PSTPIP2: variants seen among roughly 807,000 people sequenced by gnomAD.
PSTPIP2 encodes proline-serine-threonine phosphatase-interacting protein 2.
Under a neutral mutation model 63.3 loss-of-function variants are expected in PSTPIP2, and 33 were observed. The observed-to-expected ratio is 0.52, with a 90% confidence interval of 0.40 to 0.70. The LOEUF (loss-of-function observed/expected upper bound fraction) is 0.70, where lower values mean the gene tolerates loss of function less well. PSTPIP2 is among the 30% of genes least tolerant of loss of function. The pLI is 0.00. For synonymous variants in PSTPIP2, 125 were observed against 132.7 expected (o/e 0.94, Z 0.40); for missense variants, 312 against 400.7 (o/e 0.78, Z 1.89).
At chr18:46,028,738 C>T in intron 2 of PSTPIP2, 1 of 950,648 alleles carries the variant, frequency 1.1e-6, no homozygotes, top group Non-Finnish European at 1.7e-6. Flanking sequence ...GAAAGACAAA[C>T]TTAAGAAGCG....
intron 13 of PSTPIP2, 126 bp from the exon 14 acceptor site, chr18:45,988,885 A>G: frequency 1.3e-6 from 1 of 742,088 alleles, no homozygotes; most frequent in South Asian, 1.7e-5. Context: ...GAGAAAATAG[A>G]TCTGCCAACA....
chr18:46,003,661 T>A (rs1346022237), intron 6 of PSTPIP2, among the ~76,000 whole-genome samples: 7 of 151,922 alleles, frequency 4.6e-5, no homozygotes, highest in Non-Finnish European at 1.0e-4. Context: ...CTGTGATAAA[T>A]GAGGCAAAAA....
At chr18:46,035,433 GA>G (rs1225375515) in intron 2 of PSTPIP2, among the ~76,000 whole-genome samples, 32 of 17,246 alleles carry the variant, frequency 1.9e-3, no homozygotes, top group Non-Finnish European at 5.6e-3. Flanking sequence ...AAAAAAAAAA[GA>G]AAAGAGAGAG....
intron 3 of PSTPIP2, among the ~76,000 whole-genome samples, chr18:46,016,700 G>A (rs980087630): frequency 6.6e-6 from 1 of 152,174 alleles, no homozygotes; most frequent in Non-Finnish European, 1.5e-5. Context: ...GTCTGAATAT[G>A]GTTTAGCTGG....
At chr18:46,062,965 C>T (rs1412906430) in intron 1 of PSTPIP2, among the ~76,000 whole-genome samples, 6 of 152,160 alleles carry the variant, frequency 3.9e-5, no homozygotes, top group Non-Finnish European at 7.4e-5. Context: ...AGGTCTCTGA[C>T]TTCTGCAAAT....
intron 3 of PSTPIP2, among the ~76,000 whole-genome samples, chr18:46,019,072 A>G (rs2051883701): frequency 1.3e-5 from 2 of 151,538 alleles, no homozygotes; most frequent in South Asian, 4.2e-4. Flanking sequence ...CCTTAAGCGA[A>G]CTCCCTCGGA....
chr18:45,993,892 T>C (rs1019731955), intron 9 of PSTPIP2, 189 bp from the exon 10 acceptor site: 1 of 580,482 alleles, frequency 1.7e-6, no homozygotes, highest in East Asian at 3.0e-5. Flanking sequence ...CAAATCCTAA[T>C]ATCACAGTAA....
At position 45,991,271 on chromosome 18, in the gene PSTPIP2, G is replaced by A. The variant is rs555632200; in HGVS notation, c.921-515C>T. ...GACTGCAAGCTGACTATGTCAAACA[G>A]AAGTTTCTCTTTCCGCAGGATCCTT... On this transcript the variant is annotated intron_variant, in intron 12 of 14. Coordinates refer to ENST00000409746, the MANE Select transcript of PSTPIP2 (RefSeq NM_024430.4). Among the ~76,000 whole-genome samples, 13 of 152,290 alleles carry A rather than the reference G, an allele frequency of 8.5e-5. 1 individual carries two copies. The South Asian group carries it at 2.1e-3, about 24-fold the overall frequency.
chr18:45,987,389 C>T (rs987106418), intron 14 of PSTPIP2, among the ~76,000 whole-genome samples: 1 of 152,110 alleles, frequency 6.6e-6, no homozygotes, highest in Non-Finnish European at 1.5e-5. Context: ...TTGCCTTTCT[C>T]TGTTGACTTC....
chr18:45,993,914 T>C, intron 9 of PSTPIP2: 1 of 535,444 alleles, frequency 1.9e-6, no homozygotes. Context: ...ACAAACAGGC[T>C]TGGAAATAGT....
Position 45,985,464 on chromosome 18 carries a change from A to G in PSTPIP2, c.*9-14T>C. 6.2e-7 allele frequency: 1 copy of G among 1,612,844 alleles called. No homozygotes were observed. The highest frequency in any genetic ancestry group is 8.5e-7 in the Non-Finnish European group (1 of 1,179,388). On this transcript the variant is annotated splice_polypyrimidine_tract_variant and intron_variant, in intron 14 of 14. Coordinates refer to ENST00000409746, the MANE Select transcript of PSTPIP2 (RefSeq NM_024430.4). ...AAGCTCTGGTTTCTGAAAGAAAATA[A>G]CAAAGAAATTTCCTCTGAATGAAAG...
At position 45,998,787 on chromosome 18, in the gene PSTPIP2, C is replaced by G; in HGVS notation, c.562+7G>C. The G allele has an allele frequency of 6.2e-7, 1 of 1,613,684 alleles. No individual in the cohort carries two copies. Among genetic ancestry groups the G allele is most frequent in the African/African-American group, 1.3e-5 (1 of 74,964 alleles). Reference sequence around the variant, plus strand: ...CCCTCCCCCATCCGTAGGAACTGCCCCCTCACCTGAGTCCTCTACTGCGGT... The same window carrying G: ...CCCTCCCCCATCCGTAGGAACTGCCGCCTCACCTGAGTCCTCTACTGCGGT... On this transcript the variant is annotated splice_region_variant and intron_variant, in intron 8 of 14. Transcript: ENST00000409746.
At chr18:46,011,069 C>T (rs561737234) in intron 5 of PSTPIP2, 112 bp downstream of exon 5, 10 of 880,472 alleles carry the variant, frequency 1.1e-5, no homozygotes, top group African/African-American at 1.7e-5. Flanking sequence ...AGTAATTTCT[C>T]AGGTCATGAT....
chr18:46,044,220 G>C (rs1908296868), intron 1 of PSTPIP2, among the ~76,000 whole-genome samples: 1 of 152,132 alleles, frequency 6.6e-6, no homozygotes, highest in African/African-American at 2.4e-5. Context: ...TAAGCCAAAA[G>C]AACAAAGCTG....
chr18:46,056,482 G>T lies in PSTPIP2; in HGVS notation c.33+15674C>A, dbSNP rs531507707. ...TAATCCTAGTGCTTTGGGAGGCCAA[G>T]GTGGGAGGATCGCTTGGGCCAGGAG... On this transcript the variant is annotated intron_variant, in intron 1 of 14. Transcript: ENST00000409746. Among the ~76,000 whole-genome samples, 3 of 152,348 alleles carry T rather than the reference G, an allele frequency of 2.0e-5. No individual in the cohort carries two copies. In the South Asian group the frequency reaches 6.2e-4, roughly 32 times the overall value.
chr18:46,026,717 T>A (rs1568221290), intron 2 of PSTPIP2, among the ~76,000 whole-genome samples: 1 of 151,784 alleles, frequency 6.6e-6, no homozygotes, highest in Non-Finnish European at 1.5e-5. Flanking sequence ...CTCTACAAAA[T>A]TAAATAAATA....
intron 1 of PSTPIP2, among the ~76,000 whole-genome samples, chr18:46,045,462 G>C (rs1248976149): frequency 6.6e-6 from 1 of 151,978 alleles, no homozygotes; most frequent in Non-Finnish European, 1.5e-5. Context: ...ATTGAACAAT[G>C]AGAACACATG....
At chr18:46,055,388 G>A (rs1297759254) in intron 1 of PSTPIP2, among the ~76,000 whole-genome samples, 2 of 152,224 alleles carry the variant, frequency 1.3e-5, no homozygotes, top group African/African-American at 4.8e-5. Flanking sequence ...CTGGAGTGCA[G>A]TGATGTCATC....
At chr18:46,013,403 T>C (rs901421959) in intron 4 of PSTPIP2, among the ~76,000 whole-genome samples, 6 of 152,192 alleles carry the variant, frequency 3.9e-5, no homozygotes, top group African/African-American at 1.2e-4. Flanking sequence ...TACTATGCTG[T>C]GTTAAAATCC....
Sources: allele counts gnomAD v4.1 joint callset (sites outside exome capture counted in the v4.1 genomes callset), GRCh38; gene constraint gnomAD v4.1.1; transcripts MANE v1.5; gene names NCBI Gene and HGNC (gene_info 2026-07-23, HGNC 2026-07-21).